CYB5D2: variants seen among roughly 807,000 people sequenced by gnomAD.
CYB5D2 encodes neuferricin.
CYB5D2 carries 23 observed loss-of-function variants against 22.8 expected under a neutral mutation model. That is an observed-to-expected ratio of 1.01 (90% CI 0.73 to 1.43). The LOEUF (loss-of-function observed/expected upper bound fraction) is 1.43. Among genes scored for constraint, CYB5D2 ranks in the 40% most tolerant of loss-of-function variants. CYB5D2 has a pLI of 0.00. For synonymous variants in CYB5D2, 170 were observed against 152.2 expected (o/e 1.12, Z -0.86); for missense variants, 373 against 357.2 (o/e 1.04, Z -0.36).
intron 3 of CYB5D2, among the ~76,000 whole-genome samples, chr17:4,155,205 CA>C (rs2142995208): frequency 6.6e-6 from 1 of 152,332 alleles, no homozygotes; most frequent in East Asian, 1.9e-4. Context: ...TTGGCCTGCT[CA>C]GCCACCCACG....
intron 2 of CYB5D2, among the ~76,000 whole-genome samples, chr17:4,153,363 CAG>C (rs2059078704): frequency 6.6e-6 from 1 of 151,448 alleles, no homozygotes; most frequent in African/African-American, 2.4e-5. Context: ...AGCCAAGACA[CAG>C]AAAGGAAGCC....
At chr17:4,154,294 T>C (rs1470418473) in intron 2 of CYB5D2, among the ~76,000 whole-genome samples, 3 of 152,148 alleles carry the variant, frequency 2.0e-5, no homozygotes, top group Non-Finnish European at 4.4e-5. Flanking sequence ...ATAATAAACA[T>C]TTAAAAAATG....
At chr17:4,145,681 CG>C (rs2058982430) in intron 1 of CYB5D2, among the ~76,000 whole-genome samples, 2 of 152,212 alleles carry the variant, frequency 1.3e-5, no homozygotes, top group African/African-American at 4.8e-5. Context: ...TGCTCCCCAC[CG>C]CCCACACAGT....
rs1267070542 is a variant in CYB5D2, at chr17:4,143,268, T to G, written c.-488T>G. ...AGGGCCAGGCGCGGTGGCTCACGCC[T>G]GTAATCCCAGCACTTTGGGAGGCCG... On this transcript the variant is annotated 5_prime_UTR_variant, in exon 1 of 4. Coordinates refer to ENST00000301391, the MANE Select transcript of CYB5D2 (RefSeq NM_144611.4). 2.1e-5 allele frequency: 4 copies of G among 194,796 alleles called. No homozygotes were observed. The highest frequency in any genetic ancestry group is 6.1e-5 in the Admixed American group (1 of 16,382). The allele number at this position is 194,796 out of a possible 1,614,324, so 12.1% of individuals were successfully genotyped here.
At chr17:4,151,813 T>C (rs1428785160) in intron 2 of CYB5D2, among the ~76,000 whole-genome samples, 1 of 152,116 alleles carries the variant, frequency 6.6e-6, no homozygotes, top group East Asian at 1.9e-4. Context: ...AAGACCAGCC[T>C]GACCAACATG....
chr17:4,150,251 G>A (rs754209157), intron 2 of CYB5D2, among the ~76,000 whole-genome samples: 76 of 152,168 alleles, frequency 5.0e-4, no homozygotes, highest in Non-Finnish European at 9.7e-4. Flanking sequence ...TTACTAAGCT[G>A]CTTGCTTTGG....
In CYB5D2 at chr17:4,145,870, C is replaced by T. The variant is rs532671072; in HGVS notation, c.250+1865C>T. ...CTGGCGTGCAGTGGCATGATCTTGG[C>T]TCACTGCAACCTCCGCCTCCCAAGC... On this transcript the variant is annotated intron_variant, in intron 1 of 3. Coordinates refer to ENST00000301391, the MANE Select transcript of CYB5D2 (RefSeq NM_144611.4). Among the ~76,000 whole-genome samples, 18 of 152,324 alleles carry T rather than the reference C, an allele frequency of 1.2e-4. No individual in the cohort carries two copies. The South Asian group carries it at 3.3e-3, about 28-fold the overall frequency.
chr17:4,151,110 C>T (rs1326695005), intron 2 of CYB5D2: 1 of 152,202 alleles, frequency 6.6e-6, no homozygotes, highest in African/African-American at 2.4e-5. Context: ...AGAACCTTGG[C>T]ATTTTTATTA....
rs558728351 is a variant in CYB5D2 at position 4,145,021 on chromosome 17, T to C, written c.250+1016T>C. Among the ~76,000 whole-genome samples the C allele has an allele frequency of 7.9e-5, 12 of 152,118 alleles. No homozygotes were observed. The South Asian group carries it at 2.3e-3, about 29-fold the overall frequency. On this transcript the variant is annotated intron_variant, in intron 1 of 3. Transcript: ENST00000301391. Reference sequence around the variant, plus strand: ...CAGGATGGTCTCGATCTCCTGACCTTATGATCCGCCCACCTTGGCCTCCCA... The same window carrying C: ...CAGGATGGTCTCGATCTCCTGACCTCATGATCCGCCCACCTTGGCCTCCCA...
chr17:4,149,251 A>G (rs1367257663), intron 1 of CYB5D2, among the ~76,000 whole-genome samples: 1 of 152,192 alleles, frequency 6.6e-6, no homozygotes, highest in East Asian at 1.9e-4. Flanking sequence ...ACAGGTGTGG[A>G]TGAGATTGTC....
chr17:4,153,389 C>G (rs1470731692), intron 2 of CYB5D2, among the ~76,000 whole-genome samples: 1 of 151,830 alleles, frequency 6.6e-6, no homozygotes, highest in Non-Finnish European at 1.5e-5. Flanking sequence ...GTGCTGGAGC[C>G]CCCCGTGAAC....
chr17:4,156,386 A>G (rs768665842), intron 3 of CYB5D2, among the ~76,000 whole-genome samples: 2 of 152,266 alleles, frequency 1.3e-5, no homozygotes, highest in Non-Finnish European at 2.9e-5. Flanking sequence ...AGGCCGACCC[A>G]GGTGGCCAAG....
At chr17:4,155,196 T>C (rs1345472253) in intron 3 of CYB5D2, among the ~76,000 whole-genome samples, 1 of 152,218 alleles carries the variant, frequency 6.6e-6, no homozygotes, top group African/African-American at 2.4e-5. Flanking sequence ...TTGCTTTCTT[T>C]GGCCTGCTCA....
chr17:4,145,227 C>T (rs1367712361), intron 1 of CYB5D2, among the ~76,000 whole-genome samples: 3 of 152,212 alleles, frequency 2.0e-5, no homozygotes, highest in Non-Finnish European at 4.4e-5. Context: ...TTGTCATTAT[C>T]TTAGGGGAAT....
chr17:4,146,279 G>C (rs2058990369), intron 1 of CYB5D2, among the ~76,000 whole-genome samples: 1 of 152,038 alleles, frequency 6.6e-6, no homozygotes, highest in Admixed American at 6.6e-5. Context: ...ATTTTTAATA[G>C]AGATGGGGTT....
At chr17:4,154,491 T>G (rs1249486775) in intron 2 of CYB5D2, among the ~76,000 whole-genome samples, 183 bp from the exon 3 acceptor site, 1 of 152,150 alleles carries the variant, frequency 6.6e-6, no homozygotes, top group Non-Finnish European at 1.5e-5. Context: ...TGCAGCTGTG[T>G]GGGGGCTTGT....
intron 3 of CYB5D2, 71 bp from the exon 4 acceptor site, chr17:4,156,795 T>C (rs983336302): frequency 1.3e-6 from 2 of 1,532,482 alleles, no homozygotes; most frequent in East Asian, 4.6e-5. Context: ...GGCTCTCTGC[T>C]TCCTGCTCTC....
At chr17:4,148,124 T>G (rs1244685113) in intron 1 of CYB5D2, among the ~76,000 whole-genome samples, 1 of 152,054 alleles carries the variant, frequency 6.6e-6, no homozygotes, top group African/African-American at 2.4e-5. Context: ...AGCCTGGGCT[T>G]GCTTAGATGT....
chr17:4,145,821 CAG>C (rs1253782225), intron 1 of CYB5D2, among the ~76,000 whole-genome samples: 1 of 152,160 alleles, frequency 6.6e-6, no homozygotes, highest in Admixed American at 6.5e-5. Flanking sequence ...TGTTTAGAGA[CAG>C]GGTCTGCCTC....
Sources: allele counts gnomAD v4.1 joint callset (sites outside exome capture counted in the v4.1 genomes callset), GRCh38; gene constraint gnomAD v4.1.1; transcripts MANE v1.5; gene names NCBI Gene and HGNC (gene_info 2026-07-23, HGNC 2026-07-21).